The following TTC7B variants were observed in gnomAD, a reference collection of about 807,000 sequenced individuals.
The protein encoded by TTC7B is tetratricopeptide repeat protein 7B.
A neutral mutation model predicts 106.8 loss-of-function variants in TTC7B; 28 were observed. That is an observed-to-expected ratio of 0.26 (90% CI 0.19 to 0.36). TTC7B has a LOEUF of 0.36. Among genes scored for constraint, TTC7B ranks in the 10% least tolerant of loss-of-function variants. The pLI is 1.00. For synonymous variants in TTC7B, 405 were observed against 430.6 expected (o/e 0.94, Z 0.74); for missense variants, 862 against 1,076.4 (o/e 0.80, Z 2.79).
At chr14:90,599,435 C>T (rs1617184) in intron 17 of TTC7B, among the ~76,000 whole-genome samples, 18,894 of 152,092 alleles carry the variant, frequency 0.12, 1,180 homozygotes, top group East Asian at 0.22. Flanking sequence ...CCAGGAACGA[C>T]GGACAGCCAC....
intron 19 of TTC7B, among the ~76,000 whole-genome samples, chr14:90,563,142 C>A (rs1487887270): frequency 6.6e-6 from 1 of 152,214 alleles, no homozygotes; most frequent in Non-Finnish European, 1.5e-5. Flanking sequence ...CATTATCTTA[C>A]ATGTATCATC....
chr14:90,756,384 G>GT (rs369068692), intron 3 of TTC7B, among the ~76,000 whole-genome samples: 32,549 of 126,014 alleles, frequency 0.26, 4,352 homozygotes, highest in Non-Finnish European at 0.32. Flanking sequence ...TTTTTTTTTT[G>GT]TTTTTTTTTT....
At chr14:90,618,863 T>C (rs902760097) in intron 15 of TTC7B, among the ~76,000 whole-genome samples, 1 of 152,182 alleles carries the variant, frequency 6.6e-6, no homozygotes, top group Admixed American at 6.5e-5. Flanking sequence ...TCCTGTCCCC[T>C]GACTTACCCG....
intron 18 of TTC7B, among the ~76,000 whole-genome samples, chr14:90,588,904 A>C (rs1286472): frequency 0.16 from 23,565 of 148,880 alleles, 1,786 homozygotes; most frequent in East Asian, 0.2. Flanking sequence ...AAAAAAAAAA[A>C]AACCCTTGGA....
At position 90,625,869 on chromosome 14, in the gene TTC7B, T is replaced by TA. The variant is rs1362034817; in HGVS notation, c.1752-7825_1752-7824insT. 8.3e-4 allele frequency among the ~76,000 whole-genome samples: 126 copies of TA among 152,362 alleles called. 2 individuals carry two copies. The highest frequency in any genetic ancestry group is 6.8e-3 in the Middle Eastern group (2 of 294). On this transcript the variant is annotated intron_variant, in intron 15 of 19. Transcript: ENST00000328459. ...AATTGCTGCATTGATGTGCTATTCA[T>TA]TGGGGTTCATTAGAAAACATATAGA...
chr14:90,549,127 C>CAA (rs34890535), intron 19 of TTC7B, among the ~76,000 whole-genome samples: 35 of 103,614 alleles, frequency 3.4e-4, no homozygotes, highest in African/African-American at 6.1e-4. Context: ...GACTCCGTCT[C>CAA]AAAAAAAAAA....
intron 15 of TTC7B, among the ~76,000 whole-genome samples, chr14:90,621,054 C>G (rs1884139672): frequency 6.6e-6 from 1 of 152,218 alleles, no homozygotes; most frequent in African/African-American, 2.4e-5. Context: ...GAAAGCCTGA[C>G]AGCTGCTGCC....
chr14:90,563,991 G>A (rs966058328), intron 19 of TTC7B, among the ~76,000 whole-genome samples: 12 of 151,626 alleles, frequency 7.9e-5, no homozygotes, highest in South Asian at 2.1e-4. Context: ...CATCCATGAG[G>A]GTCAGAATCA....
intron 19 of TTC7B, among the ~76,000 whole-genome samples, chr14:90,541,890 T>G (rs1169707090): frequency 6.6e-6 from 1 of 152,254 alleles, no homozygotes; most frequent in Non-Finnish European, 1.5e-5. Flanking sequence ...GTCCGCAGTC[T>G]GCACTGACCC....
chr14:90,755,744 T>C (rs1385308432), intron 3 of TTC7B, among the ~76,000 whole-genome samples: 1 of 152,204 alleles, frequency 6.6e-6, no homozygotes, highest in East Asian at 1.9e-4. Flanking sequence ...AACCCTTGCT[T>C]CTCCATTTAC....
At chr14:90,589,230 AC>A (rs1365297076) in intron 18 of TTC7B, among the ~76,000 whole-genome samples, 1 of 152,182 alleles carries the variant, frequency 6.6e-6, no homozygotes, top group Non-Finnish European at 1.5e-5. Context: ...CATCACTTCC[AC>A]TGTTTAGAGT....
At chr14:90,618,112 C>T in intron 15 of TTC7B, 67 bp from the exon 16 acceptor site, 1 of 1,197,164 alleles carries the variant, frequency 8.4e-7, no homozygotes, top group Non-Finnish European at 1.2e-6. Flanking sequence ...CCCAGCAAGA[C>T]AAGTGGTGGG....
chr14:90,814,555 G>A (rs2031071959), intron 1 of TTC7B, among the ~76,000 whole-genome samples: 1 of 152,124 alleles, frequency 6.6e-6, no homozygotes, highest in African/African-American at 2.4e-5. Flanking sequence ...AAGACAGCAG[G>A]AAACAAGTGG....
At chr14:90,672,412 G>A (rs931301085) in intron 9 of TTC7B, among the ~76,000 whole-genome samples, 1 of 152,156 alleles carries the variant, frequency 6.6e-6, no homozygotes, top group Admixed American at 6.5e-5. Flanking sequence ...CTGACAATCA[G>A]GCCCCACACT....
chr14:90,726,108 C>G (rs566229649), intron 5 of TTC7B, among the ~76,000 whole-genome samples: 1 of 152,324 alleles, frequency 6.6e-6, no homozygotes, highest in South Asian at 2.1e-4. Context: ...CTTGACTCTA[C>G]AAAGAGGTAA....
At chr14:90,751,368 A>C (rs1890129581) in intron 3 of TTC7B, among the ~76,000 whole-genome samples, 1 of 152,154 alleles carries the variant, frequency 6.6e-6, no homozygotes, top group Admixed American at 6.6e-5. Flanking sequence ...CTCACTTCTG[A>C]AATGCCCTTT....
intron 17 of TTC7B, among the ~76,000 whole-genome samples, chr14:90,609,190 A>G (rs928114635): frequency 2.0e-5 from 3 of 152,192 alleles, no homozygotes; most frequent in African/African-American, 7.2e-5. Flanking sequence ...AAGCCCACCA[A>G]TGACTGCTGA....
intron 13 of TTC7B, among the ~76,000 whole-genome samples, chr14:90,649,726 A>T (rs935880381): frequency 6.7e-6 from 1 of 149,632 alleles, no homozygotes; most frequent in African/African-American, 2.5e-5. Context: ...CCACCCATCC[A>T]CCCAGCCAAC....
Position 90,663,113 on chromosome 14 carries a change from C to T in TTC7B, c.1153-4726G>A, listed in dbSNP as rs1157539392. The stretch of plus-strand genomic sequence containing the variant: ...ACTATTTTAATTACTTTACAAGCAT[C>T]GCCTCATCGGGTGACCCTAAGGACC... On this transcript the variant is annotated intron_variant, in intron 9 of 19. Coordinates refer to ENST00000328459, the MANE Select transcript of TTC7B (RefSeq NM_001010854.2). This position sits in a 1 kb window ranked among gnomAD's most constrained non-coding sequence, Gnocchi z 4.5. Among the ~76,000 whole-genome samples, 8 of 152,172 alleles carry T rather than the reference C, an allele frequency of 5.3e-5. No individual in the cohort carries two copies. The South Asian group carries it at 6.2e-4, about 12-fold the overall frequency.
Sources: allele counts gnomAD v4.1 joint callset (sites outside exome capture counted in the v4.1 genomes callset), GRCh38; gene constraint gnomAD v4.1.1; non-coding constraint Gnocchi (gnomAD v3.1); transcripts MANE v1.5; gene names NCBI Gene and HGNC (gene_info 2026-07-23, HGNC 2026-07-21).